The following SYTL5 variants were observed in gnomAD, a reference collection of about 807,000 sequenced individuals.
SYTL5 encodes the protein synaptotagmin like 5, also known as synaptotagmin-like protein 5.
In SYTL5, 34 loss-of-function variants were observed where a neutral mutation model predicts 55.9. That is an observed-to-expected ratio of 0.61 (90% CI 0.46 to 0.81). SYTL5 has a LOEUF of 0.81. Ranked by LOEUF, SYTL5 falls within the 30% of genes least tolerant of loss-of-function variation. SYTL5 has a pLI of 0.00. For synonymous variants in SYTL5, 221 were observed against 188.7 expected, an observed-to-expected ratio of 1.17 and a Z score of -1.40; for missense variants, 637 against 546.7, an observed-to-expected ratio of 1.17 and a Z score of -1.65.
chrX:37,966,852 T>C, the SYTL5 span, among the ~76,000 whole-genome samples: 59 of 112,248 alleles, frequency 5.3e-4, no homozygotes, highest in African/African-American at 1.8e-3. Flanking sequence ...TTTGCCTATA[T>C]ATTTACCTTG....
In SYTL5 at chrX:38,011,868, G is replaced by A. The variant is rs954613474; in HGVS notation, c.-357+5200G>A. 2.8e-5 allele frequency among the ~76,000 whole-genome samples: 3 copies of A among 106,745 alleles called. No homozygotes were observed. The Admixed American group carries it at 3.1e-4, about 11-fold the overall frequency. The allele number at this position is 106,745 out of a possible 115,157, so 92.7% of individuals were successfully genotyped here. On this transcript the variant is annotated intron_variant, in intron 1 of 16. Transcript: ENST00000297875. ...TTGTTCATTTAAATGTTCTCTCACCGTAGTTTAGTGGGATTTTTTTTTTTT... is the reference window on the plus strand; with the variant it reads ...TTGTTCATTTAAATGTTCTCTCACCATAGTTTAGTGGGATTTTTTTTTTTT...
intron 1 of SYTL5, among the ~76,000 whole-genome samples, chrX:38,018,464 C>T (rs1332542204): frequency 9.0e-6 from 1 of 111,611 alleles, no homozygotes; most frequent in Non-Finnish European, 1.9e-5. Flanking sequence ...ATTCTAAATG[C>T]CTTTCTGGAC....
chrX:37,901,481 A>G, the SYTL5 span, among the ~76,000 whole-genome samples: 4 of 111,826 alleles, frequency 3.6e-5, no homozygotes, highest in African/African-American at 9.8e-5. Context: ...CGGAAAACAC[A>G]AAACCTCCAT....
rs1222581845 is a variant in SYTL5, at chrX:38,122,214, G to A, written c.1840G>A (p.Gly614Ser). 2.5e-6 allele frequency: 3 copies of A among 1,201,489 alleles called. No individual in the cohort carries two copies. The African/African-American group carries it at 5.3e-5, about 21-fold the overall frequency. Residue 614 changes from glycine to serine, a missense_variant and splice_region_variant, in exon 15 of 17, where the codon GGC becomes AGC. By Grantham distance (56) the Gly-to-Ser change is moderately conservative. Transcript: ENST00000297875. ...AGGCACTTCTGATAGCTTTGTGAAG[G>A]GGTAACTTTGTTTTAGCTCTTTTTG... ...SGGTSDSFVKGYLLPDDSKAT... is the reference protein window; with the variant it reads ...SGGTSDSFVKSYLLPDDSKAT...
intron 6 of SYTL5, among the ~76,000 whole-genome samples, chrX:38,080,363 T>A (rs1435209482): frequency 8.9e-6 from 1 of 112,252 alleles, no homozygotes; most frequent in African/African-American, 3.2e-5. Flanking sequence ...CTACATGGAA[T>A]GTGAACAGAC....
the SYTL5 span, among the ~76,000 whole-genome samples, chrX:37,961,883 A>G: frequency 8.9e-6 from 1 of 111,891 alleles, no homozygotes; most frequent in Non-Finnish European, 1.9e-5. Flanking sequence ...AATGCATATT[A>G]CAAGTGATGT....
chrX:37,920,289 G>A, the SYTL5 span, among the ~76,000 whole-genome samples: 339 of 110,761 alleles, frequency 3.1e-3, 1 homozygote, highest in African/African-American at 0.011. Flanking sequence ...TTTGGGACGA[G>A]GTCTGAAACT....
At chrX:37,941,780 C>T in the SYTL5 span, among the ~76,000 whole-genome samples, 3 of 112,367 alleles carry the variant, frequency 2.7e-5, no homozygotes, top group East Asian at 8.4e-4. Context: ...AGACATTGAA[C>T]CACATCAAGG....
At chrX:38,095,572 GTTC>G (rs1936912497) in intron 8 of SYTL5, among the ~76,000 whole-genome samples, 1 of 111,764 alleles carries the variant, frequency 8.9e-6, no homozygotes, top group Non-Finnish European at 1.9e-5. Context: ...AAAACAAGGT[GTTC>G]TTCTGATGAA....
intron 5 of SYTL5, among the ~76,000 whole-genome samples, chrX:38,075,274 T>G (rs1404265171): frequency 8.9e-6 from 1 of 111,841 alleles, no homozygotes; most frequent in Non-Finnish European, 1.9e-5. Context: ...AACATCTATT[T>G]GGGGAGAAAA....
the SYTL5 span, chrX:37,990,946 T>C: frequency 8.3e-7 from 1 of 1,212,028 alleles, no homozygotes; most frequent in Non-Finnish European, 1.1e-6. Context: ...GACCGCGTTG[T>C]GCAAGATGAA....
At chrX:37,897,830 G>T in the SYTL5 span, among the ~76,000 whole-genome samples, 2 of 111,967 alleles carry the variant, frequency 1.8e-5, no homozygotes, top group Non-Finnish European at 3.8e-5. Context: ...GGGCACGGTG[G>T]CTCACGCCTG....
At chrX:37,957,562 C>T in the SYTL5 span, among the ~76,000 whole-genome samples, 1 of 111,929 alleles carries the variant, frequency 8.9e-6, no homozygotes, top group African/African-American at 3.3e-5. Flanking sequence ...GTTCTTGGCA[C>T]CCTTCGTGAA....
intron 3 of SYTL5, among the ~76,000 whole-genome samples, chrX:38,064,737 T>C (rs1220560977): frequency 9.0e-6 from 1 of 111,501 alleles, no homozygotes; most frequent in African/African-American, 3.2e-5. Context: ...TTATGTGGCA[T>C]ATGTATTATT....
At chrX:38,061,331 A>G (rs1602355796) in intron 3 of SYTL5, among the ~76,000 whole-genome samples, 1 of 112,210 alleles carries the variant, frequency 8.9e-6, no homozygotes, top group African/African-American at 3.2e-5. Flanking sequence ...ACTATATCTC[A>G]GTATTGGAAG....
chrX:37,901,023 G>T, the SYTL5 span, among the ~76,000 whole-genome samples: 3 of 112,118 alleles, frequency 2.7e-5, no homozygotes, highest in African/African-American at 9.7e-5. Context: ...CTTAGTGCAG[G>T]ACCACAGGAT....
intron 11 of SYTL5, 55 bp downstream of exon 11, chrX:38,106,826 A>G: frequency 9.9e-7 from 1 of 1,007,948 alleles, no homozygotes; most frequent in Admixed American, 3.2e-5. Flanking sequence ...TTTTGTCTGT[A>G]TGTGTGTTTC....
chrX:38,052,771 A>T (rs1435438184), intron 2 of SYTL5, among the ~76,000 whole-genome samples: 2 of 111,814 alleles, frequency 1.8e-5, no homozygotes, highest in Admixed American at 9.5e-5. Context: ...GTAAAAAGAT[A>T]TGGTATAAAA....
At chrX:37,890,244 G>A in the SYTL5 span, among the ~76,000 whole-genome samples, 1 of 111,073 alleles carries the variant, frequency 9.0e-6, no homozygotes, top group Non-Finnish European at 1.9e-5. Flanking sequence ...GACCTACCAG[G>A]AGACAAGATA....
Sources: allele counts gnomAD v4.1 joint callset (sites outside exome capture counted in the v4.1 genomes callset), GRCh38; gene constraint gnomAD v4.1.1; transcripts MANE v1.5; gene names NCBI Gene and HGNC (gene_info 2026-07-23, HGNC 2026-07-21).